PRRC2B: variants seen among roughly 807,000 people sequenced by gnomAD.
PRRC2B encodes the protein protein PRRC2B.
PRRC2B carries 68 observed loss-of-function variants against 242.3 expected under a neutral mutation model. That is an observed-to-expected ratio of 0.28 (90% CI 0.23 to 0.34). The LOEUF (loss-of-function observed/expected upper bound fraction) is 0.34. Ranked by LOEUF, PRRC2B falls within the 10% of genes least tolerant of loss-of-function variation. PRRC2B has a pLI of 1.00. For synonymous variants in PRRC2B, 1,228 were observed against 1,173.6 expected (o/e 1.05, Z -0.95); for missense variants, 2,835 against 2,954.8 (o/e 0.96, Z 0.94).
chr9:131,479,659 T>A (rs1943802326), intron 19 of PRRC2B, among the ~76,000 whole-genome samples: 1 of 152,242 alleles, frequency 6.6e-6, no homozygotes, highest in African/African-American at 2.4e-5. Flanking sequence ...TGGAAAAGGA[T>A]GGCCCCTTGG....
At chr9:131,470,745 T>G in intron 13 of PRRC2B, 43 bp from the exon 14 acceptor site, 1 of 1,560,110 alleles carries the variant, frequency 6.4e-7, no homozygotes, top group Non-Finnish European at 8.8e-7. Flanking sequence ...TCTCTGTCCC[T>G]GGCCGCACCA....
intron 1 of PRRC2B, among the ~76,000 whole-genome samples, chr9:131,419,227 G>GT (rs751249733): frequency 2.6e-5 from 4 of 152,178 alleles, no homozygotes; most frequent in Non-Finnish European, 5.9e-5. Context: ...ACAGTAGAGT[G>GT]TTTATCTCAA....
Position 131,446,662 on chromosome 9 carries a change from T to C in PRRC2B, c.855+20T>C. ...GCTTTTGTAAGTCTTCAGAGTGTAC[T>C]TTTTTTCCCCCCATGAAGTTGGATT... On this transcript the variant is annotated intron_variant, in intron 7 of 31. Coordinates refer to ENST00000683519, the MANE Select transcript of PRRC2B (RefSeq NM_013318.4). The surrounding 1 kb of genome is among the most constrained non-coding windows in gnomAD (Gnocchi z 4.1). 6.2e-7 allele frequency: 1 copy of C among 1,605,354 alleles called. No individual in the cohort carries two copies. Among genetic ancestry groups the C allele is most frequent in the Non-Finnish European group, 8.5e-7 (1 of 1,175,790 alleles).
At chr9:131,409,323 G>T (rs2131294446) in intron 1 of PRRC2B, among the ~76,000 whole-genome samples, 1 of 151,896 alleles carries the variant, frequency 6.6e-6, no homozygotes, top group East Asian at 1.9e-4. Context: ...CACCTTACAG[G>T]TGCCTGCCAC....
Position 131,444,194 on chromosome 9 carries a change from G to C in PRRC2B, c.479G>C (p.Gly160Ala). 14 of 1,613,950 alleles carry C rather than the reference G, an allele frequency of 8.7e-6. No homozygotes were observed. The highest frequency in any genetic ancestry group is 1.2e-5 in the Non-Finnish European group (14 of 1,179,876). ...CCCGTCTTCTTGACAGGTTTAAGGG[G>C]CTCAAGCCGACTGTTATCCTTCTCT... The part of the protein sequence containing the change: ...KPVGHEGGLR[G>A]SSRLLSFSPE... The change falls in exon 6 of 32, where the codon GGC (glycine) becomes GCC (alanine). Residue 160 changes from glycine (G) to alanine (A), a missense_variant. By Grantham distance (60) the Gly-to-Ala change is moderately conservative. Coordinates refer to ENST00000683519, the MANE Select transcript of PRRC2B (RefSeq NM_013318.4).
At chr9:131,483,227 T>C (rs570832333) in intron 22 of PRRC2B, 132 bp from the exon 23 acceptor site, 3 of 866,678 alleles carry the variant, frequency 3.5e-6, no homozygotes, top group East Asian at 2.6e-5. Flanking sequence ...ATCTCGCTCA[T>C]ATGTGGCTCC....
chr9:131,396,325 CTTTT>C (rs1165485887), intron 1 of PRRC2B, among the ~76,000 whole-genome samples: 8 of 132,952 alleles, frequency 6.0e-5, no homozygotes, highest in East Asian at 2.1e-4. Flanking sequence ...CTTTTCTTTT[CTTTT>C]TTTTTTTTTT....
Position 131,476,063 on chromosome 9 carries a change from C to T in PRRC2B, c.3934C>T (p.Arg1312Ter), listed in dbSNP as rs1429327661. ...RRPPRQDKPP[R>*]FRRLRQERES... Reference sequence around the variant, plus strand: ...CCCCCCACGCCAAGATAAGCCCCCTCGATTCCGGCGCCTCCGGCAAGAGCG... The same window carrying T: ...CCCCCCACGCCAAGATAAGCCCCCTTGATTCCGGCGCCTCCGGCAAGAGCG... Residue 1312 changes from arginine to a stop codon, truncating the protein, a stop_gained, in exon 16 of 32, where the codon CGA (arginine) becomes TGA (stop). Coordinates refer to ENST00000683519, the MANE Select transcript of PRRC2B (RefSeq NM_013318.4). LOFTEE classifies it high-confidence loss of function. 2 of 1,606,802 alleles carry T rather than the reference C, an allele frequency of 1.2e-6. No homozygotes were observed. Among genetic ancestry groups the T allele is most frequent in the Non-Finnish European group, 1.7e-6 (2 of 1,175,530 alleles).
Position 131,487,342 on chromosome 9 carries a change from C to A in PRRC2B, c.5984+48C>A. The A allele has an allele frequency of 6.9e-7, 1 of 1,450,672 alleles. No individual in the cohort carries two copies. Among genetic ancestry groups the A allele is most frequent in the Non-Finnish European group, 9.2e-7 (1 of 1,084,532 alleles). The allele number at this position is 1,450,672 out of a possible 1,614,324, so 89.9% of individuals were successfully genotyped here. A position where few individuals can be genotyped will look rare whatever the true frequency, so the allele number is the denominator to read the frequency against. The stretch of plus-strand genomic sequence containing the variant: ...GGAGCTGGCAGCTCACAGCCAGGGC[C>A]TTGGCCCTGTGTGCAGCCTTCGTCC... On this transcript the variant is annotated intron_variant, in intron 27 of 31. Coordinates refer to ENST00000683519, the MANE Select transcript of PRRC2B (RefSeq NM_013318.4). The surrounding 1 kb of genome is among the most constrained non-coding windows in gnomAD (Gnocchi z 5.3).
chr9:131,496,012 A>G lies in PRRC2B; in HGVS notation c.*138A>G, dbSNP rs1334941702. 2 of 1,204,442 alleles carry G rather than the reference A, an allele frequency of 1.7e-6. No individual in the cohort carries two copies. The highest frequency in any genetic ancestry group is 2.5e-5 in the Admixed American group (1 of 39,474). 74.6% of individuals were successfully genotyped at this position (1,204,442 alleles called of 1,614,324 possible). ...AGACTGAGAGACCTCCCTCCTCTCC[A>G]CTCCCGAAAGCTCCGTTGTCAACCA... is the stretch of plus-strand genomic sequence containing the variant. On this transcript the variant is annotated 3_prime_UTR_variant, in exon 32 of 32. Transcript: ENST00000683519.
chr9:131,477,667 G>A, intron 16 of PRRC2B, 77 bp from the exon 17 acceptor site: 1 of 866,062 alleles, frequency 1.2e-6, no homozygotes, highest in Non-Finnish European at 1.8e-6. Context: ...TGCCGGGCTT[G>A]TGTGCAGGCT....
chr9:131,482,710 G>C lies in PRRC2B; in HGVS notation c.5176G>C (p.Asp1726His). 1 of 1,563,866 alleles carries C rather than the reference G, an allele frequency of 6.4e-7. No individual in the cohort carries two copies. The highest frequency in any genetic ancestry group is 8.6e-7 in the Non-Finnish European group (1 of 1,156,400). The part of the protein sequence containing the change: ...EQAPKPSEQK[D>H]SEQGSGQSKE... ...TCCACCTCTCTGCTTTTTTATCAAG[G>C]ATTCAGAACAAGGCTCTGGACAGAG... Residue 1726 changes from aspartate (D) to histidine (H), a missense_variant and splice_region_variant, in exon 22 of 32, where the codon GAT becomes CAT. Around this residue, in one of 7 missense-constraint regions of PRRC2B, gnomAD observed 51 missense variants for 45.1 expected, o/e 1.13. Transcript: ENST00000683519. This position sits in a 1 kb window ranked among gnomAD's most constrained non-coding sequence, Gnocchi z 5.2.
At position 131,476,094 on chromosome 9, in the gene PRRC2B, C is replaced by T; in HGVS notation, c.3965C>T (p.Ser1322Phe). 1 of 1,609,714 alleles carries T rather than the reference C, an allele frequency of 6.2e-7. No homozygotes were observed. Among genetic ancestry groups the T allele is most frequent in the Non-Finnish European group, 8.5e-7 (1 of 1,177,470 alleles). The change falls in exon 16 of 32, where the codon TCC becomes TTC. Residue 1322 changes from serine to phenylalanine, a missense_variant. Ser to Phe is a radical substitution (Grantham distance 155). This residue lies in a region of PRRC2B where 1,536 missense variants were observed against 1,483.1 expected (regional missense o/e 1.04). Coordinates refer to ENST00000683519, the MANE Select transcript of PRRC2B (RefSeq NM_013318.4). ...CGGCGCCTCCGGCAAGAGCGGGAGTCCCTGGGCCTGTGGGGACCCGAGGAG... is the reference window on the plus strand; with the variant it reads ...CGGCGCCTCCGGCAAGAGCGGGAGTTCCTGGGCCTGTGGGGACCCGAGGAG... ...RFRRLRQERESLGLWGPEEEP... is the reference protein window; with the variant it reads ...RFRRLRQEREFLGLWGPEEEP...
At chr9:131,461,776 C>A (rs1015807083) in intron 11 of PRRC2B, among the ~76,000 whole-genome samples, 1 of 152,218 alleles carries the variant, frequency 6.6e-6, no homozygotes, top group Non-Finnish European at 1.5e-5. Flanking sequence ...ATCTACCCAC[C>A]TTGGCCTCCC....
At chr9:131,471,647 T>C (rs1943550094) in intron 14 of PRRC2B, among the ~76,000 whole-genome samples, 1 of 152,214 alleles carries the variant, frequency 6.6e-6, no homozygotes, top group African/African-American at 2.4e-5. Flanking sequence ...TGAGTGAACA[T>C]GGTTGTTTTT....
At chr9:131,486,275 G>T in intron 26 of PRRC2B, 93 bp downstream of exon 26, 1 of 968,492 alleles carries the variant, frequency 1.0e-6, no homozygotes, top group Non-Finnish European at 1.6e-6. Flanking sequence ...CTCATTGTCT[G>T]TCTGGTTTTC....
rs1448344234 is a variant in PRRC2B at position 131,482,903 on chromosome 9, C to T, written c.5369C>T (p.Pro1790Leu). The T allele has an allele frequency of 1.9e-6, 3 of 1,604,480 alleles. No homozygotes were observed. The African/African-American group carries it at 4.0e-5, about 21-fold the overall frequency. Reference sequence around the variant, plus strand: ...CCACCCATTGAATTTGGAGTCAGTCCAAAAGTGAGGCTTTGATTTGTTTTC... The same window carrying T: ...CCACCCATTGAATTTGGAGTCAGTCTAAAAGTGAGGCTTTGATTTGTTTTC... ...PVPPIEFGVS[P>L]KDSDFSLPPG... The change falls in exon 22 of 32, where the codon CCA (proline) becomes CTA (leucine). Residue 1790 changes from proline to leucine, a missense_variant. Pro to Leu is a moderately conservative substitution (Grantham distance 98, BLOSUM62 -3). This residue lies in a region of PRRC2B where 574 missense variants were observed against 626.0 expected (regional missense o/e 0.92). Transcript: ENST00000683519. This position sits in a 1 kb window ranked among gnomAD's most constrained non-coding sequence, Gnocchi z 5.2.
chr9:131,429,193 C>T (rs1202780467), intron 1 of PRRC2B, among the ~76,000 whole-genome samples: 1 of 152,208 alleles, frequency 6.6e-6, no homozygotes, highest in East Asian at 1.9e-4. Flanking sequence ...GTGATCTGCC[C>T]ACCTTAGCCT....
upstream of PRRC2B, among the ~76,000 whole-genome samples, chr9:131,392,830 T>G (rs1836924610): frequency 6.6e-6 from 1 of 151,452 alleles, no homozygotes; most frequent in Non-Finnish European, 1.5e-5. Context: ...GGAGAATCGC[T>G]TGAATCTAGG....
Sources: allele counts gnomAD v4.1 joint callset (sites outside exome capture counted in the v4.1 genomes callset), GRCh38; gene constraint gnomAD v4.1.1; regional missense constraint gnomAD v4.1.1; non-coding constraint Gnocchi (gnomAD v3.1); transcripts MANE v1.5; gene names NCBI Gene and HGNC (gene_info 2026-07-23, HGNC 2026-07-21).